The following HOMEZ variants were observed in gnomAD, a reference collection of about 807,000 sequenced individuals.
The protein encoded by HOMEZ is homeobox and leucine zipper protein Homez.
In HOMEZ, 20 loss-of-function variants were observed where a neutral mutation model predicts 50.1. The ratio of observed to expected loss-of-function variants is 0.40; its 90% confidence interval spans 0.28 to 0.58. The LOEUF (loss-of-function observed/expected upper bound fraction) is 0.58. HOMEZ is among the 20% of genes least tolerant of loss of function. HOMEZ has a pLI of 0.46. For synonymous variants in HOMEZ, 239 were observed against 254.7 expected, an observed-to-expected ratio of 0.94 and a Z score of 0.59; for missense variants, 579 against 680.5, an observed-to-expected ratio of 0.85 and a Z score of 1.66.
rs905908702 is a variant in HOMEZ, at chr14:23,286,080, G to A, written c.-128C>T. 2.4e-6 allele frequency: 3 copies of A among 1,230,530 alleles called. No individual in the cohort carries two copies. The highest frequency in any genetic ancestry group is 2.0e-6 in the Non-Finnish European group (2 of 987,202). The allele number at this position is 1,230,530 out of a possible 1,614,324, so 76.2% of individuals were successfully genotyped here. A position where few individuals can be genotyped will look rare whatever the true frequency, so the allele number is the denominator to read the frequency against. ...GGGACTGCCCCCCCCACCGTCCCCGGGAGCGCGCCGGTCTACCCAGCCCTG... is the reference window on the plus strand; with the variant it reads ...GGGACTGCCCCCCCCACCGTCCCCGAGAGCGCGCCGGTCTACCCAGCCCTG... On this transcript the variant is annotated 5_prime_UTR_variant, in exon 1 of 2. Transcript: ENST00000357460.
Position 23,276,790 on chromosome 14 carries a change from T to C in HOMEZ, c.438A>G (p.Gly146=), listed in dbSNP as rs1461761060. The C allele has an allele frequency of 6.2e-7, 1 of 1,613,872 alleles. No homozygotes were observed. The highest frequency in any genetic ancestry group is 1.3e-5 in the African/African-American group (1 of 74,912). The change falls in exon 2 of 2, where the codon GGA becomes GGG. Residue 146 remains glycine, a synonymous_variant. Transcript: ENST00000357460. This position sits in a 1 kb window ranked among gnomAD's most constrained non-coding sequence, Gnocchi z 4.1. ...KSLLSFTHHA[G]RPPEEVPPPP... is the part of the protein sequence containing the mutation. ...GAGGAGGCACCTCCTCTGGGGGCCG[T>C]CCCGCATGATGAGTAAAAGAGAGAA...
At chr14:23,285,820 A>C (rs1886648828) in intron 1 of HOMEZ, 93 bp downstream of exon 1, 1 of 719,294 alleles carries the variant, frequency 1.4e-6, no homozygotes, top group African/African-American at 1.8e-5. Context: ...CGAACCTAGA[A>C]TTATCCCCCC....
At chr14:23,285,803 G>A in intron 1 of HOMEZ, 110 bp downstream of exon 1, 2 of 566,250 alleles carry the variant, frequency 3.5e-6, no homozygotes, top group Non-Finnish European at 2.7e-6. Context: ...AGAGAACCGG[G>A]CCACTTCGAA....
chr14:23,276,646 C>T lies in HOMEZ; in HGVS notation c.582G>A (p.Leu194=). ...CCTTTAATTTCTGGTGACTCTGTGG[C>T]AGTGGTGGCATCTGAGAGGGCTCCT... The part of the protein sequence containing the change: ...EPEEPSQMPP[L]PQSHQKLKES... The change falls in exon 2 of 2, where the codon CTG becomes CTA. Residue 194 remains leucine, a synonymous_variant. Coordinates refer to ENST00000357460, the MANE Select transcript of HOMEZ (RefSeq NM_020834.3). This position sits in a 1 kb window ranked among gnomAD's most constrained non-coding sequence, Gnocchi z 4.1. 1 of 1,614,016 alleles carries T rather than the reference C, an allele frequency of 6.2e-7. No individual in the cohort carries two copies. The highest frequency in any genetic ancestry group is 2.2e-5 in the East Asian group (1 of 44,874).
intron 1 of HOMEZ, among the ~76,000 whole-genome samples, chr14:23,281,425 A>G (rs1886554031): frequency 6.6e-6 from 1 of 152,154 alleles, no homozygotes; most frequent in African/African-American, 2.4e-5. Flanking sequence ...CTTATCAGCT[A>G]TGTGATCTCA....
chr14:23,282,014 G>A (rs1399966048), intron 1 of HOMEZ, among the ~76,000 whole-genome samples: 1 of 151,694 alleles, frequency 6.6e-6, no homozygotes, highest in African/African-American at 2.4e-5. Context: ...AAGCAAAAAA[G>A]CACCTACCCA....
chr14:23,280,456 A>G (rs1254306375), intron 1 of HOMEZ, among the ~76,000 whole-genome samples: 1 of 152,056 alleles, frequency 6.6e-6, no homozygotes, highest in Non-Finnish European at 1.5e-5. Flanking sequence ...GGCTCATTAT[A>G]AATTGTAACC....
In HOMEZ at chr14:23,275,612, TCA is replaced by T. The variant is rs1886328608; in HGVS notation, c.1614_1615del (p.Asp538GlufsTer2). On this transcript the variant is annotated frameshift_variant, in exon 2 of 2. Transcript: ENST00000357460. LOFTEE classifies it high-confidence loss of function. ...GATCACATCATCATCATCATCATCATCATCTTCCTCCTCCTCCTCCTCCTCTT... is the reference window on the plus strand; with the variant it reads ...GATCACATCATCATCATCATCATCATTCTTCCTCCTCCTCCTCCTCCTCTT... The T allele has an allele frequency of 2.0e-6, 3 of 1,528,218 alleles. No homozygotes were observed. The highest frequency in any genetic ancestry group is 1.5e-5 in the African/African-American group (1 of 67,334). 94.7% of individuals were successfully genotyped at this position (1,528,218 alleles called of 1,614,324 possible).
intron 1 of HOMEZ, among the ~76,000 whole-genome samples, chr14:23,279,561 G>A (rs985854679): frequency 4.6e-5 from 7 of 152,202 alleles, no homozygotes; most frequent in Non-Finnish European, 1.0e-4. Flanking sequence ...AGTCAGGGTG[G>A]AGCAGGTGAT....
chr14:23,285,763 G>A (rs923021392), intron 1 of HOMEZ, 150 bp downstream of exon 1: 9 of 442,242 alleles, frequency 2.0e-5, no homozygotes, highest in Non-Finnish European at 3.4e-5. Flanking sequence ...CAACAGGGGA[G>A]GGAACCGAAA....
At chr14:23,283,140 T>C (rs1195987851) in intron 1 of HOMEZ, among the ~76,000 whole-genome samples, 8 of 151,948 alleles carry the variant, frequency 5.3e-5, no homozygotes, top group Admixed American at 2.6e-4. Context: ...GCAGAGGAGG[T>C]AGTGGTGGTG....
Position 23,275,260 on chromosome 14 carries a change from C to G in HOMEZ, c.*315G>C. The G allele has an allele frequency of 2.8e-6, 1 of 357,134 alleles. No individual in the cohort carries two copies. The highest frequency in any genetic ancestry group is 5.0e-6 in the Non-Finnish European group (1 of 198,024). 22.1% of individuals were successfully genotyped at this position (357,134 alleles called of 1,614,324 possible). A position where few individuals can be genotyped will look rare whatever the true frequency, so the allele number is the denominator to read the frequency against. On this transcript the variant is annotated 3_prime_UTR_variant, in exon 2 of 2. Coordinates refer to ENST00000357460, the MANE Select transcript of HOMEZ (RefSeq NM_020834.3). The stretch of plus-strand genomic sequence containing the variant: ...CAACATCTGGCCTCTGTATAGTACA[C>G]CAAGGGAAAAAAACAGCAGACACGA...
intron 1 of HOMEZ, among the ~76,000 whole-genome samples, chr14:23,281,257 T>C (rs903049830): frequency 6.6e-6 from 1 of 152,172 alleles, no homozygotes; most frequent in Admixed American, 6.5e-5. Context: ...CATTTCCTTT[T>C]AACAAGCAAA....
intron 1 of HOMEZ, among the ~76,000 whole-genome samples, chr14:23,277,810 T>C (rs1285399897): frequency 6.6e-6 from 1 of 151,350 alleles, no homozygotes; most frequent in Non-Finnish European, 1.5e-5. Context: ...CTTTTTTTAG[T>C]GTGTATGTGT....
rs1332330671 is a variant in HOMEZ at position 23,276,446 on chromosome 14, T to C, written c.782A>G (p.Asp261Gly). The change falls in exon 2 of 2, where the codon GAT (aspartate) becomes GGT (glycine). Residue 261 changes from aspartate (D) to glycine (G), a missense_variant. Transcript: ENST00000357460. This position sits in a 1 kb window ranked among gnomAD's most constrained non-coding sequence, Gnocchi z 4.1. ...STTVPQPQAR[D>G]KPPPIALIAS... ...AATTAATGCAATTGGTGGGGGTTTA[T>C]CCCGAGCTTGTGGCTGGGGGACGGT... is the stretch of plus-strand genomic sequence containing the variant. The C allele has an allele frequency of 3.1e-6, 5 of 1,614,048 alleles. No homozygotes were observed. The highest frequency in any genetic ancestry group is 3.4e-6 in the Non-Finnish European group (4 of 1,179,896).
chr14:23,277,200 G>A lies in HOMEZ; in HGVS notation c.41-13C>T. ...CCTTCAGAGATAGCTGCAATAAGAA[G>A]ACAAACAGCTCAATCACTGGGTCTC... On this transcript the variant is annotated splice_polypyrimidine_tract_variant and intron_variant, in intron 1 of 1. Transcript: ENST00000357460. The A allele has an allele frequency of 1.3e-6, 2 of 1,523,758 alleles. No individual in the cohort carries two copies. Among genetic ancestry groups the A allele is most frequent in the Non-Finnish European group, 1.8e-6 (2 of 1,134,432 alleles). 94.4% of individuals were successfully genotyped at this position (1,523,758 alleles called of 1,614,324 possible). A position where few individuals can be genotyped will look rare whatever the true frequency, so the allele number is the denominator to read the frequency against.
rs141450432 is a variant in HOMEZ at position 23,286,085 on chromosome 14, G to C, written c.-133C>G. 1 of 1,230,380 alleles carries C rather than the reference G, an allele frequency of 8.1e-7. No individual in the cohort carries two copies. The highest frequency in any genetic ancestry group is 1.6e-5 in the African/African-American group (1 of 64,342). The allele number at this position is 1,230,380 out of a possible 1,614,324, so 76.2% of individuals were successfully genotyped here. A position where few individuals can be genotyped will look rare whatever the true frequency, so the allele number is the denominator to read the frequency against. Reference sequence around the variant, plus strand: ...TGCCCCCCCCACCGTCCCCGGGAGCGCGCCGGTCTACCCAGCCCTGCTCGA... The same window carrying C: ...TGCCCCCCCCACCGTCCCCGGGAGCCCGCCGGTCTACCCAGCCCTGCTCGA... On this transcript the variant is annotated 5_prime_UTR_variant, in exon 1 of 2. Coordinates refer to ENST00000357460, the MANE Select transcript of HOMEZ (RefSeq NM_020834.3).
At chr14:23,284,979 T>C (rs1886628361) in intron 1 of HOMEZ, 1 of 152,182 alleles carries the variant, frequency 6.6e-6, no homozygotes, top group African/African-American at 2.4e-5. Flanking sequence ...CCAAAGTTTT[T>C]AAAAGTTCTC....
In HOMEZ at chr14:23,272,747, C is replaced by A; in HGVS notation, c.*2828G>T. Reference sequence around the variant, plus strand: ...GGTGTCTGTCTCGATAAGCTTCATACAACAGGTCAGAGAGACTTGCTTGCC... The same window carrying A: ...GGTGTCTGTCTCGATAAGCTTCATAAAACAGGTCAGAGAGACTTGCTTGCC... On this transcript the variant is annotated 3_prime_UTR_variant, in exon 2 of 2. Transcript: ENST00000357460. 2.2e-6 allele frequency: 2 copies of A among 891,170 alleles called. No homozygotes were observed. The highest frequency in any genetic ancestry group is 3.6e-6 in the Non-Finnish European group (2 of 548,230). 55.2% of individuals were successfully genotyped at this position (891,170 alleles called of 1,614,324 possible). A position where few individuals can be genotyped will look rare whatever the true frequency, so the allele number is the denominator to read the frequency against.
Sources: allele counts gnomAD v4.1 joint callset (sites outside exome capture counted in the v4.1 genomes callset), GRCh38; gene constraint gnomAD v4.1.1; non-coding constraint Gnocchi (gnomAD v3.1); transcripts MANE v1.5; gene names NCBI Gene and HGNC (gene_info 2026-07-23, HGNC 2026-07-21).